YIPF3: variants seen among roughly 807,000 people sequenced by gnomAD.
YIPF3 encodes protein YIPF3.
YIPF3 carries 18 observed loss-of-function variants against 40.3 expected under a neutral mutation model. The observed-to-expected ratio is 0.45, with a 90% CI of 0.31 to 0.66. The LOEUF (loss-of-function observed/expected upper bound fraction) is 0.66. YIPF3 is among the 30% of genes least tolerant of loss of function. YIPF3 has a pLI of 0.07. For missense variants in YIPF3, 406 were observed against 452.2 expected (o/e 0.90, Z 0.93); for synonymous variants, 190 against 179.6 (o/e 1.06, Z -0.46).
rs1422821038 is a variant in YIPF3 at position 43,516,421 on chromosome 6, CGAATGCCAGT to C, written c.81+296_81+305del. 5 of 622,704 alleles carry C rather than the reference CGAATGCCAGT, an allele frequency of 8.0e-6. No homozygotes were observed. In the Admixed American group the frequency reaches 9.9e-5, roughly 12 times the overall value. 38.6% of individuals were successfully genotyped at this position (622,704 alleles called of 1,614,324 possible). ...AACTATACACATAGTATGTTTTCAGCGAATGCCAGTGAATCCCACCCAACCCCACTCCATG... is the reference window on the plus strand; with the variant it reads ...AACTATACACATAGTATGTTTTCAGCGAATCCCACCCAACCCCACTCCATG... On this transcript the variant is annotated intron_variant, in intron 1 of 8. Transcript: ENST00000372422.
rs1453173692 is a variant in YIPF3 at position 43,513,101 on chromosome 6, G to A, written c.634C>T (p.Gln212Ter). 3 of 1,614,126 alleles carry A rather than the reference G, an allele frequency of 1.9e-6. No individual in the cohort carries two copies. The highest frequency in any genetic ancestry group is 2.5e-6 in the Non-Finnish European group (3 of 1,180,024). ...GCCAACATCTGCAGCATGGTGATCT[G>A]GGCGTTGCACAGGTAGGCAAGGAAG... ...IYFLAYLCNA[Q>*]ITMLQMLALL... is the part of the protein sequence containing the mutation. The change falls in exon 6 of 9, where the codon CAG becomes TAG. Residue 212 changes from glutamine (Q) to a stop codon, truncating the protein, a stop_gained. Transcript: ENST00000372422. LOFTEE classifies it high-confidence loss of function.
intron 3 of YIPF3, 135 bp from the exon 4 acceptor site, chr6:43,513,768 A>G (rs1221995870): frequency 3.8e-6 from 3 of 786,248 alleles, no homozygotes; most frequent in Non-Finnish European, 5.9e-6. Context: ...ATGACACGGT[A>G]GAACAGGGTA....
chr6:43,515,362 G>C (rs1792777031), intron 3 of YIPF3: 8 of 623,268 alleles, frequency 1.3e-5, no homozygotes, highest in Non-Finnish European at 2.4e-5. Flanking sequence ...ATGTGGAACA[G>C]AGGAAGTGAC....
At chr6:43,515,837 G>T in intron 2 of YIPF3, 52 bp downstream of exon 2, 1 of 1,587,536 alleles carries the variant, frequency 6.3e-7, no homozygotes, top group South Asian at 1.1e-5. Flanking sequence ...TCCAGAACAC[G>T]GGACATACCT....
At position 43,512,071 on chromosome 6, in the gene YIPF3, C is replaced by A; in HGVS notation, c.*96G>T. ...CTACAGCTCAGTGGCAGCTGCAAACCCCATCTACGAAACATGTCATCAGGA... is the reference window on the plus strand; with the variant it reads ...CTACAGCTCAGTGGCAGCTGCAAACACCATCTACGAAACATGTCATCAGGA... On this transcript the variant is annotated 3_prime_UTR_variant, in exon 9 of 9. Transcript: ENST00000372422. The A allele has an allele frequency of 6.4e-7, 1 of 1,556,726 alleles. No homozygotes were observed. Among genetic ancestry groups the A allele is most frequent in the Non-Finnish European group, 8.7e-7 (1 of 1,147,058 alleles).
intron 2 of YIPF3, 76 bp downstream of exon 2, chr6:43,515,813 T>C (rs958009719): frequency 1.0e-4 from 160 of 1,595,006 alleles, no homozygotes; most frequent in Non-Finnish European, 1.3e-4. Context: ...GGGGCGAACA[T>C]CACCAACACC....
chr6:43,514,412 C>G (rs1018942634), intron 3 of YIPF3, among the ~76,000 whole-genome samples: 1 of 152,254 alleles, frequency 6.6e-6, no homozygotes, highest in East Asian at 1.9e-4. Flanking sequence ...TCCTGCTTAT[C>G]TGTGCCTCCA....
chr6:43,516,616 G>A, intron 1 of YIPF3, 111 bp downstream of exon 1: 4 of 1,295,722 alleles, frequency 3.1e-6, no homozygotes, highest in East Asian at 2.3e-5. Flanking sequence ...ACCCAAAGAA[G>A]AGAGTTTTGT....
At chr6:43,512,349 A>T in intron 8 of YIPF3, 34 bp from the exon 9 acceptor site, 1 of 1,612,818 alleles carries the variant, frequency 6.2e-7, no homozygotes, top group Non-Finnish European at 8.5e-7. Context: ...CGAGGATCAG[A>T]TGGGCCCAGC....
In YIPF3 at chr6:43,512,460, G is replaced by A. The variant is rs765558053; in HGVS notation, c.884C>T (p.Ala295Val). 6 of 1,614,044 alleles carry A rather than the reference G, an allele frequency of 3.7e-6. No individual in the cohort carries two copies. In the African/African-American group the frequency reaches 6.7e-5, roughly 18 times the overall value. The part of the protein sequence containing the change: ...HMLFLLYLHF[A>V]YHKVVEGILD... ...CTTACCCTCTACCACTTTGTGGTAG[G>A]CAAAATGCAGATAGAGCAGGAAGAG... is the stretch of plus-strand genomic sequence containing the variant. The change falls in exon 8 of 9, where the codon GCC becomes GTC. Residue 295 changes from alanine to valine, a missense_variant. Ala to Val is a moderately conservative substitution (Grantham distance 64). Transcript: ENST00000372422.
chr6:43,512,380 C>G, intron 8 of YIPF3, 60 bp downstream of exon 8: 1 of 1,614,110 alleles, frequency 6.2e-7, no homozygotes, highest in Non-Finnish European at 8.5e-7. Context: ...TCATATCTAG[C>G]TTCTTGCTCT....
In YIPF3 at chr6:43,512,062, G is replaced by A. The variant is rs1362408910; in HGVS notation, c.*105C>T. On this transcript the variant is annotated 3_prime_UTR_variant, in exon 9 of 9. Transcript: ENST00000372422. Reference sequence around the variant, plus strand: ...CTTACGCAGCTACAGCTCAGTGGCAGCTGCAAACCCCATCTACGAAACATG... The same window carrying A: ...CTTACGCAGCTACAGCTCAGTGGCAACTGCAAACCCCATCTACGAAACATG... 6.5e-7 allele frequency: 1 copy of A among 1,534,630 alleles called. No individual in the cohort carries two copies. Among genetic ancestry groups the A allele is most frequent in the South Asian group, 1.2e-5 (1 of 80,420 alleles).
chr6:43,516,791 G>A lies in YIPF3; in HGVS notation c.17C>T (p.Ala6Val), dbSNP rs1792851327. The change falls in exon 1 of 9, where the codon GCG (alanine) becomes GTG (valine). Residue 6 changes from alanine (A) to valine (V), a missense_variant. Transcript: ENST00000372422. ...TCCATTTCGGGCGCCGCCCGCCGGC[G>A]CCGCTGTAGTTGCCATGTCCCTTGA... is the stretch of plus-strand genomic sequence containing the variant. MATTA[A>V]PAGGARNGAG... The A allele has an allele frequency of 6.3e-7, 1 of 1,581,584 alleles. No individual in the cohort carries two copies. The highest frequency in any genetic ancestry group is 8.6e-7 in the Non-Finnish European group (1 of 1,163,858).
In YIPF3 at chr6:43,513,339, A is replaced by AAGTTGTCT. The variant is rs751732772; in HGVS notation, c.534+12_534+19dup. 5.6e-6 allele frequency: 9 copies of AAGTTGTCT among 1,613,974 alleles called. No homozygotes were observed. The highest frequency in any genetic ancestry group is 7.6e-6 in the Non-Finnish European group (9 of 1,179,942). ...TCAACCTAGTGCAGCCACCCCCCCAAAGTTGTCTGTCCTGCTTACGATAAT... is the reference window on the plus strand; with the variant it reads ...TCAACCTAGTGCAGCCACCCCCCCAAAGTTGTCTAGTTGTCTGTCCTGCTTACGATAAT... On this transcript the variant is annotated intron_variant, in intron 5 of 8. Coordinates refer to ENST00000372422, the MANE Select transcript of YIPF3 (RefSeq NM_015388.4).
intron 3 of YIPF3, chr6:43,515,346 T>A (rs1334485767): frequency 1.7e-6 from 1 of 588,302 alleles, no homozygotes. Context: ...GGGATGGGAT[T>A]GAGGAATGTG....
intron 1 of YIPF3, 30 bp from the exon 2 acceptor site, chr6:43,516,125 G>A (rs761207218): frequency 9.3e-6 from 15 of 1,613,140 alleles, no homozygotes; most frequent in Middle Eastern, 1.6e-4. Context: ...TAGAGTGCAG[G>A]ACTTTTCTGT....
chr6:43,515,408 G>A, intron 3 of YIPF3, 187 bp downstream of exon 3: 1 of 692,000 alleles, frequency 1.4e-6, no homozygotes, highest in Non-Finnish European at 2.6e-6. Flanking sequence ...TGAGTAGTCA[G>A]TTAGATGGAA....
chr6:43,512,675 C>A, intron 7 of YIPF3, 86 bp downstream of exon 7: 1 of 1,551,568 alleles, frequency 6.4e-7, no homozygotes, highest in Non-Finnish European at 8.7e-7. Context: ...CCATTTAGGG[C>A]TCTTTGTGAG....
At chr6:43,516,636 G>C in intron 1 of YIPF3, 91 bp downstream of exon 1, 1 of 1,442,836 alleles carries the variant, frequency 6.9e-7, no homozygotes, top group Non-Finnish European at 9.5e-7. Context: ...TAAATGGAGC[G>C]GACTTCCAGG....
Sources: gnomAD v4.1 joint callset for allele counts (sites outside exome capture counted in the v4.1 genomes callset) on GRCh38, gnomAD v4.1.1 for gene constraint, MANE v1.5 for transcripts, NCBI Gene and HGNC (gene_info 2026-07-23, HGNC 2026-07-21) for gene names.